The following POLA2 variants were observed in gnomAD, a reference collection of about 807,000 sequenced individuals.
POLA2 encodes DNA polymerase alpha subunit B.
In POLA2, 47 loss-of-function variants were observed where a neutral mutation model predicts 82.8. The ratio of observed to expected loss-of-function variants is 0.57; its 90% CI spans 0.45 to 0.72. POLA2 has a LOEUF of 0.72. Ranked by LOEUF, POLA2 falls within the 30% of genes least tolerant of loss-of-function variation. The pLI is 0.00. For missense variants in POLA2, 634 were observed against 728.1 expected (o/e 0.87, Z 1.49); for synonymous variants, 287 against 286.8 (o/e 1.00, Z -0.01).
At chr11:65,274,325 C>T (rs1446658496) in intron 4 of POLA2, among the ~76,000 whole-genome samples, 1 of 150,926 alleles carries the variant, frequency 6.6e-6, no homozygotes, top group Non-Finnish European at 1.5e-5. Context: ...CGAGATCGCA[C>T]ATCGCACTCC....
chr11:65,292,660 A>G (rs565513382), intron 13 of POLA2, among the ~76,000 whole-genome samples: 20 of 152,354 alleles, frequency 1.3e-4, no homozygotes, highest in African/African-American at 4.6e-4. Context: ...CAAAGGGACA[A>G]TAATGAATAT....
In POLA2 at chr11:65,294,640, A is replaced by T; in HGVS notation, c.1448A>T (p.Glu483Val). ...STDLLFHLGAEEISSSSGTSD... is the reference protein window; with the variant it reads ...STDLLFHLGAVEISSSSGTSD... ...GATCTGCTTTTCCACCTGGGGGCCGAGGAGATCAGTAGGTAAGAAGTGTGT... is the reference window on the plus strand; with the variant it reads ...GATCTGCTTTTCCACCTGGGGGCCGTGGAGATCAGTAGGTAAGAAGTGTGT... The change falls in exon 15 of 18, where the codon GAG (glutamate) becomes GTG (valine). Residue 483 changes from glutamate (E) to valine (V), a missense_variant. Glu to Val is a moderately radical substitution (Grantham distance 121). Transcript: ENST00000265465. 6.2e-7 allele frequency: 1 copy of T among 1,612,646 alleles called. No homozygotes were observed. Among genetic ancestry groups the T allele is most frequent in the Non-Finnish European group, 8.5e-7 (1 of 1,178,806 alleles).
At chr11:65,287,560 G>T in intron 10 of POLA2, 156 bp from the exon 11 acceptor site, 1 of 548,336 alleles carries the variant, frequency 1.8e-6, no homozygotes, top group East Asian at 3.1e-5. Context: ...TTCTTGGAGG[G>T]TGGACATGAG....
At chr11:65,280,963 A>G in intron 7 of POLA2, 29 bp from the exon 8 acceptor site, 1 of 1,606,742 alleles carries the variant, frequency 6.2e-7, no homozygotes, top group Non-Finnish European at 8.5e-7. Flanking sequence ...AAAGACTGTC[A>G]TTCTTATGCT....
intron 1 of POLA2, among the ~76,000 whole-genome samples, chr11:65,265,416 C>CA (rs914438757): frequency 5.9e-4 from 90 of 152,252 alleles, no homozygotes; most frequent in African/African-American, 2.1e-3. Context: ...CGGCACTTGA[C>CA]ACTGTTTGTC....
chr11:65,285,758 C>A (rs959131770), intron 10 of POLA2, among the ~76,000 whole-genome samples: 5 of 152,016 alleles, frequency 3.3e-5, no homozygotes, highest in Non-Finnish European at 5.9e-5. Context: ...AACTTTTGTA[C>A]AAGGAATTAA....
At position 65,291,753 on chromosome 11, in the gene POLA2, G is replaced by A. The variant is rs572041936; in HGVS notation, c.1244+1881G>A. Among the ~76,000 whole-genome samples the A allele has an allele frequency of 3.9e-5, 6 of 152,324 alleles. No individual in the cohort carries two copies. The East Asian group carries it at 9.6e-4, about 24-fold the overall frequency. Reference sequence around the variant, plus strand: ...GCAGTGATAGAAATAAAGCACAGATGAGGCATTGTCACACTGGGGATGAGA... The same window carrying A: ...GCAGTGATAGAAATAAAGCACAGATAAGGCATTGTCACACTGGGGATGAGA... On this transcript the variant is annotated intron_variant, in intron 13 of 17. Coordinates refer to ENST00000265465, the MANE Select transcript of POLA2 (RefSeq NM_002689.4).
rs1169897992 is a variant in POLA2, at chr11:65,275,998, G to C, written c.461G>C (p.Ser154Thr). 1 of 1,572,814 alleles carries C rather than the reference G, an allele frequency of 6.4e-7. No individual in the cohort carries two copies. Among genetic ancestry groups the C allele is most frequent in the Non-Finnish European group, 8.7e-7 (1 of 1,151,004 alleles). Reference protein sequence around the residue: ...QLLSPSSFSPSATPSQKYNSR... With the variant: ...QLLSPSSFSPTATPSQKYNSR... ...CTCTCACCGTCAAGTTTCTCTCCAA[G>C]GTATGGATCATAATTCATTCAAGTG... The change falls in exon 5 of 18, where the codon AGT becomes ACT. Residue 154 changes from serine to threonine, a missense_variant and splice_region_variant. By Grantham distance (58) the Ser-to-Thr change is moderately conservative (BLOSUM62 1). Coordinates refer to ENST00000265465, the MANE Select transcript of POLA2 (RefSeq NM_002689.4).
downstream of POLA2, chr11:65,305,673 C>T: frequency 3.6e-6 from 1 of 280,998 alleles, no homozygotes. Context: ...AGAGCAGGAC[C>T]CTGTCTCTAA....
In POLA2 at chr11:65,279,594, G is replaced by A; in HGVS notation, c.712G>A (p.Glu238Lys). Residue 238 changes from glutamate (E) to lysine (K), a missense_variant, in exon 7 of 18, where the codon GAA becomes AAA. Glu to Lys is a moderately conservative substitution (Grantham distance 56). Coordinates refer to ENST00000265465, the MANE Select transcript of POLA2 (RefSeq NM_002689.4). ...GSELKEHYKIEAFTPLLAPAQ... is the reference protein window; with the variant it reads ...GSELKEHYKIKAFTPLLAPAQ... ...CGAACTCAAGGAACATTACAAGATT[G>A]AAGCTTTCACTCCTTTGCTAGCCCC... The A allele has an allele frequency of 6.2e-7, 1 of 1,613,722 alleles. No homozygotes were observed. Among genetic ancestry groups the A allele is most frequent in the Non-Finnish European group, 8.5e-7 (1 of 1,179,656 alleles).
At chr11:65,273,572 G>A (rs1380961546) in intron 4 of POLA2, among the ~76,000 whole-genome samples, 1 of 152,154 alleles carries the variant, frequency 6.6e-6, no homozygotes, top group Non-Finnish European at 1.5e-5. Context: ...AACACTGGCC[G>A]TGGAGTGTTG....
At chr11:65,300,323 G>T (rs1176270366), downstream of POLA2, among the ~76,000 whole-genome samples, 2 of 151,938 alleles carry the variant, frequency 1.3e-5, no homozygotes, top group Admixed American at 6.6e-5. Context: ...AGCCTCCTGA[G>T]TAGCTGGGAT....
intron 16 of POLA2, 78 bp from the exon 17 acceptor site, chr11:65,295,786 C>T: frequency 6.5e-7 from 1 of 1,540,796 alleles, no homozygotes; most frequent in Non-Finnish European, 8.9e-7. Flanking sequence ...AGCACGAAAG[C>T]CAGTACCTAG....
downstream of POLA2, chr11:65,305,601 G>A: frequency 2.8e-6 from 1 of 357,472 alleles, no homozygotes; most frequent in Middle Eastern, 7.8e-4. Flanking sequence ...TTAAGCCCAG[G>A]AGGTCGAGGC....
intron 1 of POLA2, among the ~76,000 whole-genome samples, chr11:65,265,990 C>T (rs547224225): frequency 6.6e-6 from 1 of 152,264 alleles, no homozygotes; most frequent in African/African-American, 2.4e-5. Flanking sequence ...CGCCCACAAC[C>T]CTTGCCTGAA....
At chr11:65,288,512 G>GT (rs572913995) in intron 11 of POLA2, among the ~76,000 whole-genome samples, 73,317 of 119,928 alleles carry the variant, frequency 0.61, 24,594 homozygotes, top group Non-Finnish European at 0.74. Context: ...TTTGTTTTTT[G>GT]TTTTTTTTTT....
At chr11:65,284,372 C>T (rs1000591412) in intron 10 of POLA2, among the ~76,000 whole-genome samples, 1 of 152,012 alleles carries the variant, frequency 6.6e-6, no homozygotes, top group African/African-American at 2.4e-5. Context: ...GTCCCCACTA[C>T]TTGCGAGGCT....
At chr11:65,303,886 C>T (rs919131394) in intron 8 of POLA2, among the ~76,000 whole-genome samples, 2 of 152,196 alleles carry the variant, frequency 1.3e-5, no homozygotes, top group African/African-American at 2.4e-5. Context: ...GGTCTCTCCT[C>T]GGCAGCGGGA....
intron 3 of POLA2, among the ~76,000 whole-genome samples, chr11:65,268,013 G>A (rs1211902310): frequency 4.6e-5 from 7 of 151,792 alleles, no homozygotes; most frequent in Non-Finnish European, 7.4e-5. Context: ...AGCTGGTCTC[G>A]AACTCCTGAC....
Sources: allele counts gnomAD v4.1 joint callset (sites outside exome capture counted in the v4.1 genomes callset), GRCh38; gene constraint gnomAD v4.1.1; transcripts MANE v1.5; gene names NCBI Gene and HGNC (gene_info 2026-07-23, HGNC 2026-07-21).